OSBPL6: variants seen among roughly 807,000 people sequenced by gnomAD.
OSBPL6 encodes the protein oxysterol binding protein like 6.
In OSBPL6, 49 loss-of-function variants were observed where a neutral mutation model predicts 125.8. The ratio of observed to expected loss-of-function variants is 0.39; its 90% CI spans 0.31 to 0.49. The LOEUF is 0.49. Among genes scored for constraint, OSBPL6 ranks in the 20% least tolerant of loss-of-function variants. The pLI is 0.88. For synonymous variants in OSBPL6, 394 were observed against 391.8 expected (o/e 1.01, Z -0.07); for missense variants, 986 against 1,135.4 (o/e 0.87, Z 1.89).
chr2:178,375,483 C>T (rs1056425324), intron 15 of OSBPL6, among the ~76,000 whole-genome samples: 6 of 152,078 alleles, frequency 3.9e-5, no homozygotes, highest in South Asian at 4.2e-4. Context: ...AGGGCAGTGG[C>T]GCAATCTTGG....
Position 178,397,430 on chromosome 2 carries a change from T to G in OSBPL6, c.*1871T>G, listed in dbSNP as rs1695916696. ...GGCAGTAAAATCTTCCCCTTGATAT[T>G]GATTCTTTTTCTGCTCATTCATCTT... On this transcript the variant is annotated 3_prime_UTR_variant, in exon 25 of 25. Coordinates refer to ENST00000190611, the MANE Select transcript of OSBPL6 (RefSeq NM_032523.4). 6.6e-6 allele frequency: 1 copy of G among 152,252 alleles called. No homozygotes were observed. Among genetic ancestry groups the G allele is most frequent in the Non-Finnish European group, 1.5e-5 (1 of 68,044 alleles). 9.4% of individuals were successfully genotyped at this position (152,252 alleles called of 1,614,324 possible).
rs548296486 is a variant in OSBPL6, at chr2:178,401,777, G to A, written c.*6218G>A. 137 of 152,330 alleles carry A rather than the reference G, an allele frequency of 9.0e-4. No homozygotes were observed. Among genetic ancestry groups the A allele is most frequent in the African/African-American group, 3.1e-3 (130 of 41,558 alleles). The allele number at this position is 152,330 out of a possible 1,614,324, so 9.4% of individuals were successfully genotyped here. A position where few individuals can be genotyped will look rare whatever the true frequency, so the allele number is the denominator to read the frequency against. ...TCTGAGTCCACAGATCTAGGGTGTG[G>A]ACCGAGAATCCTCATTGTAACAAGC... On this transcript the variant is annotated 3_prime_UTR_variant, in exon 25 of 25. Coordinates refer to ENST00000190611, the MANE Select transcript of OSBPL6 (RefSeq NM_032523.4).
At chr2:178,229,555 T>C (rs1457970419) in intron 1 of OSBPL6, among the ~76,000 whole-genome samples, 2 of 151,956 alleles carry the variant, frequency 1.3e-5, no homozygotes, top group Non-Finnish European at 2.9e-5. Context: ...GTGGGCTGGG[T>C]GAGGTGGTTC....
intron 3 of OSBPL6, 66 bp from the exon 4 acceptor site, chr2:178,324,111 T>A: frequency 9.7e-7 from 1 of 1,028,512 alleles, no homozygotes; most frequent in Non-Finnish European, 1.4e-6. Flanking sequence ...TATGATTTCA[T>A]CCCCATGCAC....
At chr2:178,197,038 T>TG in intron 1 of OSBPL6, among the ~76,000 whole-genome samples, 1 of 152,036 alleles carries the variant, frequency 6.6e-6, no homozygotes. Flanking sequence ...ACCATTTTTT[T>TG]TTTTTTTGAG....
intron 1 of OSBPL6, among the ~76,000 whole-genome samples, chr2:178,279,657 C>T (rs553825580): frequency 5.9e-5 from 9 of 152,288 alleles, no homozygotes; most frequent in South Asian, 2.1e-4. Flanking sequence ...TGTGTGTGCA[C>T]GCGTGTGCAT....
chr2:178,393,253 G>A (rs1037728724), intron 23 of OSBPL6, among the ~76,000 whole-genome samples: 1 of 152,082 alleles, frequency 6.6e-6, no homozygotes, highest in Non-Finnish European at 1.5e-5. Flanking sequence ...AGTTACAGGG[G>A]AACTCAGAAA....
intron 15 of OSBPL6, among the ~76,000 whole-genome samples, chr2:178,381,856 C>T (rs1034025014): frequency 6.6e-6 from 1 of 152,192 alleles, no homozygotes; most frequent in African/African-American, 2.4e-5. Context: ...CTTGTTTTCT[C>T]TCCCCTCTGT....
At chr2:178,243,685 G>C (rs2091380730) in intron 1 of OSBPL6, among the ~76,000 whole-genome samples, 1 of 152,108 alleles carries the variant, frequency 6.6e-6, no homozygotes, top group Non-Finnish European at 1.5e-5. Flanking sequence ...ACGGAGTCTT[G>C]CTCTGTCGCC....
chr2:178,382,639 C>G, intron 16 of OSBPL6, 132 bp downstream of exon 16: 1 of 1,433,748 alleles, frequency 7.0e-7, no homozygotes, highest in Non-Finnish European at 9.3e-7. Flanking sequence ...GCTGATTGTT[C>G]AATACATTCT....
intron 3 of OSBPL6, among the ~76,000 whole-genome samples, chr2:178,311,168 G>T (rs995681793): frequency 6.6e-6 from 1 of 152,126 alleles, no homozygotes; most frequent in African/African-American, 2.4e-5. Flanking sequence ...CGCATACCAT[G>T]TTCCCTTTAA....
intron 3 of OSBPL6, among the ~76,000 whole-genome samples, chr2:178,311,942 A>C (rs974527705): frequency 6.6e-6 from 1 of 152,172 alleles, no homozygotes; most frequent in African/African-American, 2.4e-5. Flanking sequence ...GGTGGGAGGT[A>C]TCTCTTTATT....
At chr2:178,349,098 A>G (rs1432757431) in intron 11 of OSBPL6, 126 bp from the exon 12 acceptor site, 6 of 989,292 alleles carry the variant, frequency 6.1e-6, no homozygotes, top group Non-Finnish European at 9.5e-6. Context: ...ATGAGTACTG[A>G]GTGTCTCCAA....
intron 8 of OSBPL6, 122 bp downstream of exon 8, chr2:178,333,163 G>T (rs1022856012): frequency 1.4e-5 from 14 of 1,026,526 alleles, no homozygotes; most frequent in Non-Finnish European, 1.7e-5. Flanking sequence ...CGGGTGGATC[G>T]CCTGACAGCC....
At chr2:178,380,513 A>C (rs1440391840) in intron 15 of OSBPL6, among the ~76,000 whole-genome samples, 1 of 151,388 alleles carries the variant, frequency 6.6e-6, no homozygotes, top group Non-Finnish European at 1.5e-5. Context: ...CTAGGTAAAT[A>C]CTAAAAAAGA....
At chr2:178,349,563 G>T (rs1288742045) in intron 12 of OSBPL6, among the ~76,000 whole-genome samples, 174 bp downstream of exon 12, 5 of 152,204 alleles carry the variant, frequency 3.3e-5, no homozygotes, top group Admixed American at 3.3e-4. Context: ...CCTGTTGGAA[G>T]ATCACACATC....
intron 1 of OSBPL6, among the ~76,000 whole-genome samples, chr2:178,213,061 C>G (rs550286525): frequency 6.6e-6 from 1 of 152,166 alleles, no homozygotes; most frequent in Admixed American, 6.5e-5. Flanking sequence ...CCTGCCTCGG[C>G]CTCCCAAAGT....
chr2:178,214,537 A>AT (rs1308047603), intron 1 of OSBPL6, among the ~76,000 whole-genome samples: 2 of 152,140 alleles, frequency 1.3e-5, no homozygotes, highest in East Asian at 3.9e-4. Flanking sequence ...CACAGGTGGA[A>AT]TTTCTTCCCG....
chr2:178,259,761 C>A (rs897350575), intron 1 of OSBPL6, among the ~76,000 whole-genome samples: 1 of 152,168 alleles, frequency 6.6e-6, no homozygotes, highest in Non-Finnish European at 1.5e-5. Context: ...CTTTGACAGG[C>A]GGCAGTTTCT....
Sources: gnomAD v4.1 joint callset for allele counts (sites outside exome capture counted in the v4.1 genomes callset) on GRCh38, gnomAD v4.1.1 for gene constraint, MANE v1.5 for transcripts, NCBI Gene and HGNC (gene_info 2026-07-23, HGNC 2026-07-21) for gene names.